Variants in SLC12A2 observed in about 807,000 individuals in gnomAD.
SLC12A2 encodes the protein Na-K-2Cl cotransporter 1.
Under a neutral mutation model 136.3 loss-of-function variants are expected in SLC12A2, and 67 were observed. That is an observed-to-expected ratio of 0.49 (90% CI 0.40 to 0.60). SLC12A2 has a LOEUF of 0.60. SLC12A2 is among the 20% of genes least tolerant of loss of function. The pLI, the probability that SLC12A2 is intolerant of heterozygous loss-of-function variation, is 0.00. For synonymous variants in SLC12A2, 619 were observed against 562.9 expected (o/e 1.10, Z -1.41); for missense variants, 1,322 against 1,534.7 (o/e 0.86, Z 2.32).
intron 20 of SLC12A2, among the ~76,000 whole-genome samples, 157 bp from the exon 21 acceptor site, chr5:128,176,948 T>A (rs1763559681): frequency 6.6e-6 from 1 of 152,104 alleles, no homozygotes. Flanking sequence ...GCTTCAACAC[T>A]CAGTGCAGAA....
At chr5:128,100,985 T>C (rs1198185276) in intron 1 of SLC12A2, among the ~76,000 whole-genome samples, 1 of 152,218 alleles carries the variant, frequency 6.6e-6, no homozygotes, top group Non-Finnish European at 1.5e-5. Context: ...TCAGCAGTTC[T>C]GACTTGGTTC....
chr5:128,110,128 A>G, intron 1 of SLC12A2: 1 of 913,524 alleles, frequency 1.1e-6, no homozygotes. Flanking sequence ...ATTTTCATGG[A>G]TGTCATACTA....
chr5:128,157,457 A>C (rs886401608), intron 15 of SLC12A2, among the ~76,000 whole-genome samples: 9 of 152,184 alleles, frequency 5.9e-5, no homozygotes, highest in African/African-American at 1.9e-4. Context: ...GATTTTACTC[A>C]TGGGACGACA....
intron 1 of SLC12A2, among the ~76,000 whole-genome samples, chr5:128,092,955 G>GTC (rs1434110660): frequency 6.6e-6 from 1 of 152,072 alleles, no homozygotes; most frequent in Non-Finnish European, 1.5e-5. Context: ...TCCTTTCCAG[G>GTC]TACAAGCTCT....
intron 4 of SLC12A2, among the ~76,000 whole-genome samples, chr5:128,126,966 A>ATATATATAATTTTT: frequency 0.016 from 335 of 21,156 alleles, 18 homozygotes; most frequent in Non-Finnish European, 0.022. Flanking sequence ...ATATATATAT[A>ATATATATAATTTTT]TTTTTTTTTT....
chr5:128,174,716 G>A, intron 20 of SLC12A2, 50 bp downstream of exon 20: 1 of 1,370,770 alleles, frequency 7.3e-7, no homozygotes, highest in African/African-American at 1.5e-5. Flanking sequence ...GTTTTAATTT[G>A]GGAGAAATAT....
intron 7 of SLC12A2, 44 bp downstream of exon 7, chr5:128,135,852 A>G (rs778853382): frequency 1.1e-5 from 12 of 1,044,606 alleles, no homozygotes; most frequent in Non-Finnish European, 1.6e-5. Context: ...ACCTATTTAT[A>G]GAATTCTATC....
At chr5:128,097,566 A>G (rs1760590243) in intron 1 of SLC12A2, among the ~76,000 whole-genome samples, 1 of 151,962 alleles carries the variant, frequency 6.6e-6, no homozygotes, top group African/African-American at 2.4e-5. Flanking sequence ...ATTTTTTAGC[A>G]TTTAATTTAA....
chr5:128,084,360 A>G lies in SLC12A2; in HGVS notation c.406A>G (p.Lys136Glu). ...GCCGGCTAAAGGCAGCGAGGAAGCCAAGGGCCGCTTCCGCGTGAACTTCGT... is the reference window on the plus strand; with the variant it reads ...GCCGGCTAAAGGCAGCGAGGAAGCCGAGGGCCGCTTCCGCGTGAACTTCGT... ...SEPAKGSEEA[K>E]GRFRVNFVDP... Residue 136 changes from lysine (K) to glutamate (E), a missense_variant, in exon 1 of 27, where the codon AAG (lysine) becomes GAG (glutamate). Around this residue, in one of 8 missense-constraint regions of SLC12A2, gnomAD observed 358 missense variants for 299.7 expected, o/e 1.19. Coordinates refer to ENST00000262461, the MANE Select transcript of SLC12A2 (RefSeq NM_001046.3). The surrounding 1 kb of genome is among the most constrained non-coding windows in gnomAD (Gnocchi z 5.6). 6.2e-7 allele frequency: 1 copy of G among 1,600,076 alleles called. No individual in the cohort carries two copies.
rs1462073033 is a variant in SLC12A2, at chr5:128,188,028, T to G, written c.*1397T>G. 6.6e-6 allele frequency: 1 copy of G among 152,428 alleles called. No individual in the cohort carries two copies. Among genetic ancestry groups the G allele is most frequent in the East Asian group, 1.9e-4 (1 of 5,188 alleles). The allele number at this position is 152,428 out of a possible 1,614,324, so 9.4% of individuals were successfully genotyped here. A position where few individuals can be genotyped will look rare whatever the true frequency, so the allele number is the denominator to read the frequency against. On this transcript the variant is annotated 3_prime_UTR_variant, in exon 27 of 27. Transcript: ENST00000262461. ...CACAGATGCATATGTGTATATATAA[T>G]GAAATTTATGTTGCTGGTATTTTGC...
chr5:128,147,911 T>C (rs1226299705), intron 11 of SLC12A2, among the ~76,000 whole-genome samples, 182 bp downstream of exon 11: 1 of 151,496 alleles, frequency 6.6e-6, no homozygotes, highest in Non-Finnish European at 1.5e-5. Context: ...TGTGAATGTT[T>C]ATATAAATAT....
chr5:128,139,781 T>A (rs1031316646), intron 9 of SLC12A2, among the ~76,000 whole-genome samples: 4 of 152,324 alleles, frequency 2.6e-5, no homozygotes, highest in African/African-American at 9.6e-5. Context: ...AATCATAAAC[T>A]CCAAGCCCAT....
intron 22 of SLC12A2, among the ~76,000 whole-genome samples, chr5:128,178,963 G>T (rs538816401): frequency 1.3e-4 from 20 of 152,196 alleles, no homozygotes; most frequent in South Asian, 1.2e-3. Flanking sequence ...CCAATTTGAA[G>T]TGCTAGTTAA....
At chr5:128,186,475 T>C (rs1453653297) in intron 26 of SLC12A2, 21 bp from the exon 27 acceptor site, 4 of 1,558,372 alleles carry the variant, frequency 2.6e-6, no homozygotes, top group Non-Finnish European at 3.4e-6. Flanking sequence ...TTTTTTTTTC[T>C]TTTTCTCTTT....
At chr5:128,140,445 A>G (rs1762326344) in intron 9 of SLC12A2, among the ~76,000 whole-genome samples, 1 of 152,368 alleles carries the variant, frequency 6.6e-6, no homozygotes, top group African/African-American at 2.4e-5. Context: ...ATGCTTCTAT[A>G]CATTATTGCT....
chr5:128,181,028 A>G (rs777528790), intron 23 of SLC12A2, 34 bp downstream of exon 23: 1 of 1,174,968 alleles, frequency 8.5e-7, no homozygotes, highest in African/African-American at 1.5e-5. Context: ...GCATGAATCT[A>G]TTAGCACTTC....
chr5:128,127,789 T>C (rs1204312264), intron 4 of SLC12A2, among the ~76,000 whole-genome samples: 1 of 152,138 alleles, frequency 6.6e-6, no homozygotes, highest in Non-Finnish European at 1.5e-5. Flanking sequence ...CCTGCTTTCA[T>C]TCCTAATTTA....
chr5:128,150,585 TCTAACATCAGGTTTTTA>T (rs566625360), intron 13 of SLC12A2, among the ~76,000 whole-genome samples: 96 of 151,894 alleles, frequency 6.3e-4, no homozygotes, highest in African/African-American at 1.6e-3. Context: ...ACACAAACAT[TCTAACATCAGGTTTTTA>T]CTTTAAATGT....
In SLC12A2 at chr5:128,152,769, G is replaced by T; in HGVS notation, c.2327G>T (p.Arg776Leu). The T allele has an allele frequency of 6.2e-7, 1 of 1,613,598 alleles. No homozygotes were observed. The highest frequency in any genetic ancestry group is 8.5e-7 in the Non-Finnish European group (1 of 1,179,576). The change falls in exon 15 of 27, where the codon CGT (arginine) becomes CTT (leucine). Residue 776 changes from arginine to leucine, a missense_variant. Physicochemically the swap from Arg to Leu is moderately radical, Grantham distance 102. Around this residue, in one of 8 missense-constraint regions of SLC12A2, gnomAD observed 294 missense variants for 436.6 expected, o/e 0.67. Transcript: ENST00000262461. ...TYLNALQHSI[R>L]LSGVEDHVKN... ...CTGAATGCACTGCAGCATTCAATTC[G>T]TCTTTCTGGAGTGGAAGACCACGTG...
Sources: allele counts gnomAD v4.1 joint callset (sites outside exome capture counted in the v4.1 genomes callset), GRCh38; gene constraint gnomAD v4.1.1; regional missense constraint gnomAD v4.1.1; non-coding constraint Gnocchi (gnomAD v3.1); transcripts MANE v1.5; gene names NCBI Gene and HGNC (gene_info 2026-07-23, HGNC 2026-07-21).